The following SLC1A6 variants were observed in gnomAD, a reference collection of about 807,000 sequenced individuals.
SLC1A6 encodes the protein solute carrier family 1 member 6, also known as excitatory amino acid transporter 4.
Under a neutral mutation model 42.1 loss-of-function variants are expected in SLC1A6, and 15 were observed. The ratio of observed to expected loss-of-function variants is 0.36; its 90% CI spans 0.24 to 0.55. The LOEUF (loss-of-function observed/expected upper bound fraction) is 0.55. Ranked by LOEUF, SLC1A6 falls within the 20% of genes least tolerant of loss-of-function variation. SLC1A6 has a pLI of 0.88. For synonymous variants in SLC1A6, 317 were observed against 319.7 expected, an observed-to-expected ratio of 0.99 and a Z score of 0.09; for missense variants, 542 against 772.5, an observed-to-expected ratio of 0.70 and a Z score of 3.54.
chr19:14,962,212 C>A lies in SLC1A6; in HGVS notation c.725G>T (p.Arg242Leu). 1 of 1,614,134 alleles carries A rather than the reference C, an allele frequency of 6.2e-7. No individual in the cohort carries two copies. Among genetic ancestry groups the A allele is most frequent in the East Asian group, 2.2e-5 (1 of 44,866 alleles). Residue 242 changes from arginine to leucine, a missense_variant, in exon 6 of 10, where the codon CGG becomes CTG. Physicochemically the swap from Arg to Leu is moderately radical, Grantham distance 102. Coordinates refer to ENST00000594383, the MANE Select transcript of SLC1A6 (RefSeq NM_005071.3). The stretch of plus-strand genomic sequence containing the variant: ...CATCTCCTGCAGGGTACCCAAGGCC[C>A]GAGTGACATTTTCCAGGAAGCTGGT... ...NGTSFLENVT[R>L]ALGTLQEMLS...
intron 6 of SLC1A6, among the ~76,000 whole-genome samples, chr19:14,960,121 T>C (rs1344011407): frequency 6.6e-6 from 1 of 150,864 alleles, no homozygotes; most frequent in African/African-American, 2.4e-5. Flanking sequence ...GAAGGAATGA[T>C]GGAAGGAAGG....
At chr19:15,003,957 A>G (rs568466827) in intron 1 of SLC1A6, among the ~76,000 whole-genome samples, 3 of 152,312 alleles carry the variant, frequency 2.0e-5, no homozygotes, top group East Asian at 3.9e-4. Context: ...GGAGCTCGAG[A>G]CCAACCTGGG....
upstream of SLC1A6, among the ~76,000 whole-genome samples, chr19:14,984,841 T>TAAGGGA (rs2045785366): frequency 6.6e-6 from 1 of 152,218 alleles, no homozygotes; most frequent in Non-Finnish European, 1.5e-5. Context: ...GAGTCGTGAA[T>TAAGGGA]ACAAATTTTT....
Position 14,969,150 on chromosome 19 carries a change from C to T in SLC1A6, c.344-643G>A, listed in dbSNP as rs1369965154. On this transcript the variant is annotated intron_variant, in intron 3 of 9. Coordinates refer to ENST00000594383, the MANE Select transcript of SLC1A6 (RefSeq NM_005071.3). The stretch of plus-strand genomic sequence containing the variant: ...CCACTGCGCCTGGCCCATAACCTAA[C>T]TTTCATTCCACTTGTCATCCCACTA... 2.6e-5 allele frequency among the ~76,000 whole-genome samples: 4 copies of T among 152,090 alleles called. No homozygotes were observed. In the East Asian group the frequency reaches 7.7e-4, roughly 29 times the overall value.
At chr19:14,964,172 C>A in intron 5 of SLC1A6, 147 bp downstream of exon 5, 1 of 676,966 alleles carries the variant, frequency 1.5e-6, no homozygotes, top group Non-Finnish European at 2.7e-6. Context: ...ATGGAAAATA[C>A]ATCCTTTCTC....
chr19:14,963,015 C>T (rs1270505027), intron 5 of SLC1A6, among the ~76,000 whole-genome samples: 1 of 152,104 alleles, frequency 6.6e-6, no homozygotes, highest in Admixed American at 6.6e-5. Context: ...ATGTTTATTG[C>T]AGTACTATTC....
chr19:14,959,720 A>C (rs2045492598), intron 6 of SLC1A6, among the ~76,000 whole-genome samples: 2 of 152,176 alleles, frequency 1.3e-5, no homozygotes, highest in South Asian at 4.1e-4. Context: ...CAACTTAGGT[A>C]CCTTCAAGCT....
intron 1 of SLC1A6, among the ~76,000 whole-genome samples, chr19:14,995,349 G>A (rs58154161): frequency 0.17 from 15,512 of 91,752 alleles, 1,830 homozygotes; most frequent in Non-Finnish European, 0.24. Flanking sequence ...AAAAAAGAAA[G>A]AAAGAAAGAA....
chr19:15,008,844 GTT>G (rs33972917), intron 1 of SLC1A6, among the ~76,000 whole-genome samples: 115 of 142,328 alleles, frequency 8.1e-4, no homozygotes, highest in Middle Eastern at 3.7e-3. Flanking sequence ...AATAATTCGC[GTT>G]TTTTTTTTTT....
upstream of SLC1A6, among the ~76,000 whole-genome samples, chr19:14,982,174 A>G (rs2045771555): frequency 1.3e-5 from 2 of 152,218 alleles, no homozygotes; most frequent in Admixed American, 6.5e-5. Context: ...CCTAGAAAAG[A>G]AAAAGGATAT....
intron 1 of SLC1A6, among the ~76,000 whole-genome samples, chr19:15,009,896 T>C (rs1190981098): frequency 2.6e-5 from 4 of 152,020 alleles, no homozygotes; most frequent in African/African-American, 9.7e-5. Context: ...AATGTAAGAC[T>C]AAGCCAGGCG....
chr19:14,960,800 G>A (rs926139277), intron 6 of SLC1A6, among the ~76,000 whole-genome samples: 3 of 152,072 alleles, frequency 2.0e-5, no homozygotes, highest in Non-Finnish European at 2.9e-5. Context: ...GTTGATCAAG[G>A]GTACAAAATT....
At chr19:14,993,499 C>T (rs1600033593) in intron 1 of SLC1A6, among the ~76,000 whole-genome samples, 1 of 152,126 alleles carries the variant, frequency 6.6e-6, no homozygotes, top group African/African-American at 2.4e-5. Flanking sequence ...ATTTCATCAA[C>T]ATTTATTAAC....
chr19:14,950,278 TG>T lies in SLC1A6; in HGVS notation c.1611del (p.Ser538AlafsTer59). ...AGGGACTTGTAGGGTTTCCCCAGGCTGGGGAGGGTAAGCTCAGCTTCCTGAA... is the reference window on the plus strand; with the variant it reads ...AGGGACTTGTAGGGTTTCCCCAGGCTGGGAGGGTAAGCTCAGCTTCCTGAA... ...LELQEAELTLPSLGKPYKSLM... is the reference protein window; with the variant it reads ...LELQEAELTLXSLGKPYKSLM... On this transcript the variant is annotated frameshift_variant, in exon 10 of 10. Coordinates refer to ENST00000594383, the MANE Select transcript of SLC1A6 (RefSeq NM_005071.3). LOFTEE classifies it high-confidence loss of function. 6.2e-7 allele frequency: 1 copy of T among 1,612,266 alleles called. No individual in the cohort carries two copies. Among genetic ancestry groups the T allele is most frequent in the Non-Finnish European group, 8.5e-7 (1 of 1,179,018 alleles).
At chr19:14,998,056 CAT>C (rs2045855602) in intron 1 of SLC1A6, among the ~76,000 whole-genome samples, 1 of 151,738 alleles carries the variant, frequency 6.6e-6, no homozygotes, top group African/African-American at 2.4e-5. Context: ...AAGCTATTAA[CAT>C]ATGCATGTAA....
chr19:14,968,181 G>T, intron 4 of SLC1A6, 122 bp downstream of exon 4: 1 of 790,676 alleles, frequency 1.3e-6, no homozygotes, highest in Non-Finnish European at 2.0e-6. Context: ...GCCCGTCTCT[G>T]CTCTTGACCG....
intron 1 of SLC1A6, among the ~76,000 whole-genome samples, chr19:15,008,385 T>C (rs1158626998): frequency 6.6e-6 from 1 of 151,254 alleles, no homozygotes; most frequent in East Asian, 1.9e-4. Flanking sequence ...ATATCTATTA[T>C]TTTAAAAGTA....
At chr19:14,952,006 C>G (rs1179181539) in intron 9 of SLC1A6, among the ~76,000 whole-genome samples, 1 of 149,706 alleles carries the variant, frequency 6.7e-6, no homozygotes, top group Non-Finnish European at 1.5e-5. Flanking sequence ...AGAGATGGGA[C>G]TTGCCATGTT....
chr19:14,971,636 C>T lies in SLC1A6; in HGVS notation c.343+101G>A, dbSNP rs537047421. 4.4e-5 allele frequency: 52 copies of T among 1,170,346 alleles called. 1 individual carries two copies. Among genetic ancestry groups the T allele is most frequent in the Middle Eastern group, 5.8e-4 (2 of 3,458 alleles). The allele number at this position is 1,170,346 out of a possible 1,614,324, so 72.5% of individuals were successfully genotyped here. ...CACAGGCTCCATGTTTGAGGTGCCG[C>T]GTCAAGGAAGTGGTCCCATGCTTGG... On this transcript the variant is annotated intron_variant, in intron 3 of 9. Transcript: ENST00000594383.
Sources: allele counts gnomAD v4.1 joint callset (sites outside exome capture counted in the v4.1 genomes callset), GRCh38; gene constraint gnomAD v4.1.1; transcripts MANE v1.5; gene names NCBI Gene and HGNC (gene_info 2026-07-23, HGNC 2026-07-21).